IFI35: variants seen among roughly 807,000 people sequenced by gnomAD.
IFI35 encodes the protein interferon-induced 35 kDa protein.
In IFI35, 30 loss-of-function variants were observed where a neutral mutation model predicts 28.6. That is an observed-to-expected ratio of 1.05 (90% CI 0.79 to 1.43). IFI35 has a LOEUF of 1.43. Among genes scored for constraint, IFI35 ranks in the 40% most tolerant of loss-of-function variants. The pLI is 0.00. For missense variants in IFI35, 372 were observed against 356.9 expected, an observed-to-expected ratio of 1.04 and a Z score of -0.34; for synonymous variants, 146 against 154.8, an observed-to-expected ratio of 0.94 and a Z score of 0.42.
Position 43,014,422 on chromosome 17 carries a change from C to T in IFI35, c.*123C>T. The T allele has an allele frequency of 3.3e-6, 2 of 611,206 alleles. No homozygotes were observed. Among genetic ancestry groups the T allele is most frequent in the South Asian group, 2.2e-5 (1 of 44,726 alleles). 37.9% of individuals were successfully genotyped at this position (611,206 alleles called of 1,614,324 possible). A position where few individuals can be genotyped will look rare whatever the true frequency, so the allele number is the denominator to read the frequency against. ...TGCGGAGGGGTCACACATTGCAAAA[C>T]ACTGCCCAGAACAGTAAAAAGAGCC... On this transcript the variant is annotated 3_prime_UTR_variant, in exon 7 of 7. Transcript: ENST00000415816.
At chr17:43,011,488 C>T (rs913071348) in intron 1 of IFI35, among the ~76,000 whole-genome samples, 2 of 151,700 alleles carry the variant, frequency 1.3e-5, no homozygotes, top group African/African-American at 2.4e-5. Flanking sequence ...CACTGCACCC[C>T]AGCCTGGGAG....
Position 43,013,464 on chromosome 17 carries a change from G to T in IFI35, c.376-12G>T, listed in dbSNP as rs1441418135. The T allele has an allele frequency of 2.5e-6, 4 of 1,613,744 alleles. No individual in the cohort carries two copies. The highest frequency in any genetic ancestry group is 2.5e-6 in the Non-Finnish European group (3 of 1,179,742). On this transcript the variant is annotated splice_polypyrimidine_tract_variant and intron_variant, in intron 4 of 6. Transcript: ENST00000415816. ...GCTGTGTCTGGGACCACCCCTTGCT[G>T]TCTCCCCCTAGATGTCCAGCCAGTT...
chr17:43,010,789 T>G (rs578107172), intron 1 of IFI35, among the ~76,000 whole-genome samples: 6 of 152,338 alleles, frequency 3.9e-5, no homozygotes, highest in Non-Finnish European at 7.3e-5. Context: ...ACACATATTT[T>G]GTGCCGGAGA....
chr17:43,010,994 C>CT (rs1265569580), intron 1 of IFI35, among the ~76,000 whole-genome samples: 1 of 152,200 alleles, frequency 6.6e-6, no homozygotes, highest in Non-Finnish European at 1.5e-5. Context: ...AGTTCTCTCT[C>CT]TGGACCCATT....
rs376963703 is a variant in IFI35, at chr17:43,008,391, C to T, written c.21+1423C>T. Reference sequence around the variant, plus strand: ...GAGATGGAGTTTCACTCTTGTTGCCCAGGCTGAAGTGCAATAGCATGATCT... The same window carrying T: ...GAGATGGAGTTTCACTCTTGTTGCCTAGGCTGAAGTGCAATAGCATGATCT... On this transcript the variant is annotated intron_variant, in intron 1 of 6. Transcript: ENST00000415816. Among the ~76,000 whole-genome samples, 13 of 140,256 alleles carry T rather than the reference C, an allele frequency of 9.3e-5. No homozygotes were observed. In the East Asian group the frequency reaches 2.3e-3, roughly 25 times the overall value. 92.0% of individuals were successfully genotyped at this position (140,256 alleles called of 152,430 possible). A position where few individuals can be genotyped will look rare whatever the true frequency, so the allele number is the denominator to read the frequency against.
chr17:43,012,814 TTA>T, intron 2 of IFI35: 1 of 540,310 alleles, frequency 1.9e-6, no homozygotes, highest in Admixed American at 3.5e-5. Flanking sequence ...GTGACCTCCA[TTA>T]TGTTACTTGA....
rs565977555 is a variant in IFI35, at chr17:43,011,474, G to A, written c.22-705G>A. On this transcript the variant is annotated intron_variant, in intron 1 of 6. Transcript: ENST00000415816. ...GTGGAGGCTGCAGTGAGCCAAGATC[G>A]CGCCACTGCACCCCAGCCTGGGAGA... Among the ~76,000 whole-genome samples, 7 of 151,988 alleles carry A rather than the reference G, an allele frequency of 4.6e-5. No individual in the cohort carries two copies. The South Asian group carries it at 6.2e-4, about 14-fold the overall frequency.
chr17:43,006,902 T>A lies in IFI35; in HGVS notation c.-46T>A. The A allele has an allele frequency of 6.2e-7, 1 of 1,612,354 alleles. No homozygotes were observed. ...TCAGTTGCTGTGAATTCTGCCACTG[T>A]GCCCAGCTCTGAAGCCTCAGCTCTT... On this transcript the variant is annotated 5_prime_UTR_variant, in exon 1 of 7. Coordinates refer to ENST00000415816, the MANE Select transcript of IFI35 (RefSeq NM_001330230.2).
Position 43,006,868 on chromosome 17 carries a change from A to G in IFI35, c.-80A>G. 1 of 1,515,832 alleles carries G rather than the reference A, an allele frequency of 6.6e-7. No individual in the cohort carries two copies. The highest frequency in any genetic ancestry group is 9.2e-7 in the Non-Finnish European group (1 of 1,091,376). The allele number at this position is 1,515,832 out of a possible 1,614,324, so 93.9% of individuals were successfully genotyped here. Reference sequence around the variant, plus strand: ...AGACCACAGCCCTTTGGGGGGTACAAACAAGAGTTCAGTTGCTGTGAATTC... The same window carrying G: ...AGACCACAGCCCTTTGGGGGGTACAGACAAGAGTTCAGTTGCTGTGAATTC... On this transcript the variant is annotated 5_prime_UTR_variant, in exon 1 of 7. Coordinates refer to ENST00000415816, the MANE Select transcript of IFI35 (RefSeq NM_001330230.2).
chr17:43,013,257 C>T lies in IFI35; in HGVS notation c.269-10C>T, dbSNP rs776299342. Reference sequence around the variant, plus strand: ...GGTTCCCAGTACTGACCCTGTTTCCCACCACCCAGTGGCTGAGCAGGTGCT... The same window carrying T: ...GGTTCCCAGTACTGACCCTGTTTCCTACCACCCAGTGGCTGAGCAGGTGCT... On this transcript the variant is annotated splice_polypyrimidine_tract_variant and intron_variant, in intron 3 of 6. Transcript: ENST00000415816. 1 of 1,614,072 alleles carries T rather than the reference C, an allele frequency of 6.2e-7. No individual in the cohort carries two copies. The highest frequency in any genetic ancestry group is 8.5e-7 in the Non-Finnish European group (1 of 1,179,996).
At chr17:43,013,000 C>T in intron 2 of IFI35, 47 bp from the exon 3 acceptor site, 1 of 1,584,454 alleles carries the variant, frequency 6.3e-7, no homozygotes, top group Non-Finnish European at 8.6e-7. Context: ...ATGCCTTCCT[C>T]CTAGGTGGGA....
Position 43,007,847 on chromosome 17 carries a change from T to TTTTATATATATATATATATA in IFI35, c.21+880_21+881insTTATATATATATATATATAT, listed in dbSNP as rs1375752219. On this transcript the variant is annotated intron_variant, in intron 1 of 6. Coordinates refer to ENST00000415816, the MANE Select transcript of IFI35 (RefSeq NM_001330230.2). ...TCTCACACACACACACACACAAAATTTATATATATATATATATATATATAT... is the reference window on the plus strand; with the variant it reads ...TCTCACACACACACACACACAAAATTTTTATATATATATATATATATATATATATATATATATATATATAT... Among the ~76,000 whole-genome samples, 1,107 of 118,632 alleles carry TTTTATATATATATATATATA rather than the reference T, an allele frequency of 9.3e-3. 19 individuals are homozygous for TTTTATATATATATATATATA. The highest frequency in any genetic ancestry group is 0.013 in the South Asian group (49 of 3,652). The allele number at this position is 118,632 out of a possible 152,430, so 77.8% of individuals were successfully genotyped here.
intron 1 of IFI35, among the ~76,000 whole-genome samples, chr17:43,007,278 G>A (rs1373709642): frequency 1.3e-5 from 2 of 152,172 alleles, no homozygotes; most frequent in African/African-American, 4.8e-5. Context: ...CGGGCGTGGT[G>A]TCTCACGCCT....
chr17:43,013,571 C>A lies in IFI35; in HGVS notation c.471C>A (p.Ile157=), dbSNP rs1297588332. The A allele has an allele frequency of 6.2e-7, 1 of 1,614,130 alleles. No individual in the cohort carries two copies. The highest frequency in any genetic ancestry group is 1.1e-5 in the South Asian group (1 of 91,082). ...SEEELLDKLE[I]FFGKTRNGGG... Reference sequence around the variant, plus strand: ...AGGAGCTGCTGGACAAGCTAGAGATCTTCTTTGGCAAGACTAGGAACGGAG... The same window carrying A: ...AGGAGCTGCTGGACAAGCTAGAGATATTCTTTGGCAAGACTAGGAACGGAG... The change falls in exon 5 of 7, where the codon ATC becomes ATA. Residue 157 remains isoleucine (I), a synonymous_variant. Transcript: ENST00000415816.
Position 43,013,339 on chromosome 17 carries a change from A to G in IFI35, c.341A>G (p.Gln114Arg), listed in dbSNP as rs1317384276. The stretch of plus-strand genomic sequence containing the variant: ...GAGTGCCGGCTGCGGGTGCAGGTCC[A>G]GCCCTTGGAGCTGCCCATGGTCACC... The part of the protein sequence containing the change: ...MEECRLRVQV[Q>R]PLELPMVTTI... The change falls in exon 4 of 7, where the codon CAG becomes CGG. Residue 114 changes from glutamine to arginine, a missense_variant. Coordinates refer to ENST00000415816, the MANE Select transcript of IFI35 (RefSeq NM_001330230.2). The G allele has an allele frequency of 1.9e-6, 3 of 1,614,016 alleles. No individual in the cohort carries two copies. In the Admixed American group the frequency reaches 5.0e-5, roughly 27 times the overall value.
intron 2 of IFI35, 39 bp from the exon 3 acceptor site, chr17:43,013,008 G>T: frequency 6.3e-7 from 1 of 1,596,358 alleles, no homozygotes; most frequent in Non-Finnish European, 8.6e-7. Flanking sequence ...CTCCTAGGTG[G>T]GAGTGAGGAA....
rs1041939809 is a variant in IFI35, at chr17:43,012,382, A to C, written c.120+105A>C. ...CACTTTGGTAGGCCAAGGGGGCCTG[A>C]TCACCTCAGGTCAGGAGTTTGAGAC... On this transcript the variant is annotated intron_variant, in intron 2 of 6. Coordinates refer to ENST00000415816, the MANE Select transcript of IFI35 (RefSeq NM_001330230.2). 1.0e-5 allele frequency: 7 copies of C among 698,948 alleles called. No individual in the cohort carries two copies. In the South Asian group the frequency reaches 1.1e-4, roughly 11 times the overall value. The allele number at this position is 698,948 out of a possible 1,614,324, so 43.3% of individuals were successfully genotyped here. A position where few individuals can be genotyped will look rare whatever the true frequency, so the allele number is the denominator to read the frequency against.
At chr17:43,010,817 A>G (rs2050451647) in intron 1 of IFI35, among the ~76,000 whole-genome samples, 1 of 152,202 alleles carries the variant, frequency 6.6e-6, no homozygotes, top group Admixed American at 6.5e-5. Context: ...GGACACAAGG[A>G]ATACAGAGAT....
chr17:43,013,786 T>C lies in IFI35; in HGVS notation c.573T>C (p.Arg191=), dbSNP rs1317147691. The C allele has an allele frequency of 6.2e-7, 1 of 1,613,314 alleles. No homozygotes were observed. The highest frequency in any genetic ancestry group is 2.2e-5 in the East Asian group (1 of 44,862). The change falls in exon 6 of 7, where the codon CGT becomes CGC. Residue 191 remains arginine, a synonymous_variant. Coordinates refer to ENST00000415816, the MANE Select transcript of IFI35 (RefSeq NM_001330230.2). ...LGFARDGVAQ[R]LCQIGQFTVP... ...CCTTGCTCCCCACAGTGGCTCAGCGTCTGTGCCAAATCGGCCAGTTCACAG... is the reference window on the plus strand; with the variant it reads ...CCTTGCTCCCCACAGTGGCTCAGCGCCTGTGCCAAATCGGCCAGTTCACAG...
Sources: gnomAD v4.1 joint callset for allele counts (sites outside exome capture counted in the v4.1 genomes callset) on GRCh38, gnomAD v4.1.1 for gene constraint, MANE v1.5 for transcripts, NCBI Gene and HGNC (gene_info 2026-07-23, HGNC 2026-07-21) for gene names.